FUT8: variants seen among roughly 807,000 people sequenced by gnomAD.
FUT8 encodes the protein fucosyltransferase 8, also known as alpha-(1,6)-fucosyltransferase.
Under a neutral mutation model 71.3 loss-of-function variants are expected in FUT8, and 29 were observed. The observed-to-expected ratio is 0.41, with a 90% confidence interval of 0.30 to 0.55. The LOEUF (loss-of-function observed/expected upper bound fraction) is 0.55. Ranked by LOEUF, FUT8 falls within the 20% of genes least tolerant of loss-of-function variation. FUT8 has a pLI of 0.34. For missense variants in FUT8, 544 were observed against 702.1 expected, an observed-to-expected ratio of 0.77 and a Z score of 2.55; for synonymous variants, 254 against 239.3, an observed-to-expected ratio of 1.06 and a Z score of -0.57.
intron 2 of FUT8, among the ~76,000 whole-genome samples, chr14:65,500,252 A>T (rs2066625257): frequency 6.6e-6 from 1 of 152,150 alleles, no homozygotes; most frequent in South Asian, 2.1e-4. Context: ...TATATTATAA[A>T]CACTTAGATA....
chr14:65,380,478 T>A, the FUT8 span, among the ~76,000 whole-genome samples: 1 of 152,206 alleles, frequency 6.6e-6, no homozygotes, highest in Non-Finnish European at 1.5e-5. Context: ...ATGTAGTATT[T>A]TAGAGGCATG....
chr14:65,733,005 G>C (rs573485047), intron 9 of FUT8, among the ~76,000 whole-genome samples: 1 of 152,172 alleles, frequency 6.6e-6, no homozygotes, highest in African/African-American at 2.4e-5. Flanking sequence ...TTTGATGTGT[G>C]TATGTGTGTT....
intron 2 of FUT8, among the ~76,000 whole-genome samples, chr14:65,457,102 T>C (rs1241363830): frequency 1.3e-5 from 2 of 152,166 alleles, no homozygotes; most frequent in African/African-American, 4.8e-5. Context: ...AATCACCCTA[T>C]TGATCTATTG....
chr14:65,358,143 A>G, the FUT8 span, among the ~76,000 whole-genome samples: 2 of 152,236 alleles, frequency 1.3e-5, no homozygotes, highest in Non-Finnish European at 2.9e-5. Flanking sequence ...GACTGTAACT[A>G]GTAACGATGC....
chr14:65,462,608 AT>A (rs1225102013), intron 2 of FUT8, among the ~76,000 whole-genome samples: 4 of 152,002 alleles, frequency 2.6e-5, no homozygotes, highest in Admixed American at 2.6e-4. Context: ...GTGCTATTGA[AT>A]TTTCTTTGCG....
At position 65,723,062 on chromosome 14, in the gene FUT8, A is replaced by G. The variant is rs576358520; in HGVS notation, c.1082+1041A>G. Reference sequence around the variant, plus strand: ...GGCATAGTGGCTCATGCCTGTAATCACAACACTGGGAGGCTGAGGCAAGTG... The same window carrying G: ...GGCATAGTGGCTCATGCCTGTAATCGCAACACTGGGAGGCTGAGGCAAGTG... On this transcript the variant is annotated intron_variant, in intron 8 of 10. Transcript: ENST00000673929. Among the ~76,000 whole-genome samples, 8 of 152,064 alleles carry G rather than the reference A, an allele frequency of 5.3e-5. No individual in the cohort carries two copies. In the East Asian group the frequency reaches 1.2e-3, roughly 22 times the overall value.
the FUT8 span, among the ~76,000 whole-genome samples, chr14:65,365,079 C>T: frequency 1.3e-5 from 2 of 152,296 alleles, no homozygotes; most frequent in African/African-American, 2.4e-5. Context: ...AGAACCTGTT[C>T]CAAGGTATTC....
At chr14:65,451,766 C>T (rs2065829975) in intron 1 of FUT8, among the ~76,000 whole-genome samples, 1 of 152,186 alleles carries the variant, frequency 6.6e-6, no homozygotes, top group South Asian at 2.1e-4. Context: ...TGGCAAGATT[C>T]TTCTCTGTAG....
At chr14:65,573,052 T>G (rs991564027) in intron 3 of FUT8, among the ~76,000 whole-genome samples, 8 of 151,718 alleles carry the variant, frequency 5.3e-5, no homozygotes, top group African/African-American at 1.7e-4. Context: ...GATTGGGGAG[T>G]TTCTTGTAAA....
intron 2 of FUT8, among the ~76,000 whole-genome samples, chr14:65,507,706 T>C (rs1283199445): frequency 6.6e-6 from 1 of 152,260 alleles, no homozygotes; most frequent in Non-Finnish European, 1.5e-5. Flanking sequence ...CGTCTGCTAA[T>C]GGACACTTAG....
At chr14:65,370,531 A>C in the FUT8 span, among the ~76,000 whole-genome samples, 1 of 150,960 alleles carries the variant, frequency 6.6e-6, no homozygotes, top group Non-Finnish European at 1.5e-5. Flanking sequence ...TTTAAAACAC[A>C]TTGGCCCATT....
At chr14:65,561,220 T>A in intron 2 of FUT8, 117 bp from the exon 3 acceptor site, 1 of 220,162 alleles carries the variant, frequency 4.5e-6, no homozygotes, top group Non-Finnish European at 9.2e-6. Context: ...ATTAGGCAGT[T>A]AGGTTATCTT....
Position 65,680,834 on chromosome 14 carries a change from T to C in FUT8, c.835+11354T>C, listed in dbSNP as rs112214423. 6.9e-3 allele frequency among the ~76,000 whole-genome samples: 1,045 copies of C among 152,298 alleles called. 10 individuals are homozygous for C. Among genetic ancestry groups the C allele is most frequent in the African/African-American group, 0.024 (981 of 41,562 alleles). On this transcript the variant is annotated intron_variant, in intron 7 of 10. Coordinates refer to ENST00000673929, the MANE Select transcript of FUT8 (RefSeq NM_001371533.1). ...CCTAAGGCCTTCCATGGCTGCTTAG[T>C]GTATAGAAACTCCTTGCTTAGAATA...
At chr14:65,619,949 C>T (rs1889513258) in intron 5 of FUT8, among the ~76,000 whole-genome samples, 1 of 152,054 alleles carries the variant, frequency 6.6e-6, no homozygotes, top group African/African-American at 2.4e-5. Context: ...TTCAGTGCTT[C>T]GATTTATGGC....
intron 1 of FUT8, among the ~76,000 whole-genome samples, chr14:65,437,603 A>G (rs2065581262): frequency 6.6e-6 from 1 of 152,220 alleles, no homozygotes; most frequent in African/African-American, 2.4e-5. Context: ...AGAGTACATG[A>G]ATTCATATTA....
intron 10 of FUT8, among the ~76,000 whole-genome samples, chr14:65,739,998 T>A (rs1158395952): frequency 6.6e-6 from 1 of 152,046 alleles, no homozygotes; most frequent in Non-Finnish European, 1.5e-5. Context: ...GTTATTGTAG[T>A]TTGCTATTAT....
rs1566870995 is a variant in FUT8, at chr14:65,643,663, AATACACACAC to A, written c.597+14059_597+14068del. On this transcript the variant is annotated intron_variant, in intron 6 of 10. Transcript: ENST00000673929. The surrounding 1 kb of genome is among the most constrained non-coding windows in gnomAD (Gnocchi z 4.5). ...AGCGAGACTCCGTCTTTAAAAAAAA[AATACACACAC>A]ACACACACACACACACACACACACA... Among the ~76,000 whole-genome samples, 1 of 53,844 alleles carries A rather than the reference AATACACACAC, an allele frequency of 1.9e-5. No homozygotes were observed. Among genetic ancestry groups the A allele is most frequent in the Non-Finnish European group, 3.7e-5 (1 of 27,250 alleles). 35.3% of individuals were successfully genotyped at this position (53,844 alleles called of 152,430 possible).
chr14:65,574,301 T>C lies in FUT8; in HGVS notation c.203+12535T>C, dbSNP rs986020103. Among the ~76,000 whole-genome samples, 3 of 152,178 alleles carry C rather than the reference T, an allele frequency of 2.0e-5. No homozygotes were observed. Among genetic ancestry groups the C allele is most frequent in the Admixed American group, 1.3e-4 (2 of 15,272 alleles). On this transcript the variant is annotated intron_variant, in intron 3 of 10. Transcript: ENST00000673929. The surrounding 1 kb of genome is among the most constrained non-coding windows in gnomAD (Gnocchi z 5.2). ...CAGTCATGGAAGATACATTCCATCATCTTTGCAATATTCTATTGATTAGAG... is the reference window on the plus strand; with the variant it reads ...CAGTCATGGAAGATACATTCCATCACCTTTGCAATATTCTATTGATTAGAG...
chr14:65,740,512 C>G (rs1416629134), intron 10 of FUT8, among the ~76,000 whole-genome samples: 1 of 151,874 alleles, frequency 6.6e-6, no homozygotes, highest in Non-Finnish European at 1.5e-5. Flanking sequence ...AAAGAAATAC[C>G]TGAGACTGGG....
Sources: gnomAD v4.1 joint callset for allele counts (sites outside exome capture counted in the v4.1 genomes callset) on GRCh38, gnomAD v4.1.1 for gene constraint, Gnocchi (gnomAD v3.1) non-coding constraint, MANE v1.5 for transcripts, NCBI Gene and HGNC (gene_info 2026-07-23, HGNC 2026-07-21) for gene names.